Variants in PTPRR observed in about 807,000 individuals in gnomAD.
PTPRR encodes the protein receptor-type tyrosine-protein phosphatase R.
PTPRR carries 38 observed loss-of-function variants against 77.2 expected under a neutral mutation model. The ratio of observed to expected loss-of-function variants is 0.49; its 90% CI spans 0.38 to 0.65. The LOEUF (loss-of-function observed/expected upper bound fraction) is 0.65, where lower values mean the gene tolerates loss of function less well. PTPRR is among the 30% of genes least tolerant of loss of function. The pLI, the probability that PTPRR is intolerant of heterozygous loss-of-function variation, is 0.00. For missense variants in PTPRR, 744 were observed against 799.2 expected (o/e 0.93, Z 0.83); for synonymous variants, 299 against 283.1 (o/e 1.06, Z -0.57).
chr12:70,858,878 A>G (rs528083635), intron 2 of PTPRR, among the ~76,000 whole-genome samples: 3 of 151,602 alleles, frequency 2.0e-5, no homozygotes, highest in East Asian at 3.9e-4. Flanking sequence ...AACTGCCTAT[A>G]CTTCTAGATA....
intron 2 of PTPRR, among the ~76,000 whole-genome samples, chr12:70,803,580 C>T (rs1891655214): frequency 6.6e-6 from 1 of 152,140 alleles, no homozygotes; most frequent in Non-Finnish European, 1.5e-5. Flanking sequence ...GCTTCCCATA[C>T]AGTTCCCATA....
At chr12:70,745,547 A>C (rs1890186192) in intron 6 of PTPRR, among the ~76,000 whole-genome samples, 1 of 152,198 alleles carries the variant, frequency 6.6e-6, no homozygotes, top group Admixed American at 6.5e-5. Context: ...TCAATAAGCT[A>C]GAAATTGTCT....
intron 2 of PTPRR, among the ~76,000 whole-genome samples, chr12:70,889,477 T>C (rs1419720744): frequency 4.6e-5 from 7 of 152,176 alleles, no homozygotes; most frequent in African/African-American, 1.7e-4. Flanking sequence ...TCACACGTTT[T>C]TGGATTTAAT....
intron 2 of PTPRR, among the ~76,000 whole-genome samples, chr12:70,852,383 T>C (rs1191091599): frequency 6.6e-6 from 1 of 151,910 alleles, no homozygotes; most frequent in East Asian, 1.9e-4. Context: ...TAAGAGAAAA[T>C]TGACATTAAA....
At chr12:70,889,756 GC>G (rs1303657148) in intron 2 of PTPRR, among the ~76,000 whole-genome samples, 1 of 151,056 alleles carries the variant, frequency 6.6e-6, no homozygotes, top group African/African-American at 2.4e-5. Context: ...TTCTTTCCTT[GC>G]CTCCTTTCCT....
rs147135651 is a variant in PTPRR at position 70,892,434 on chromosome 12, G to A, written c.357+245C>T. On this transcript the variant is annotated intron_variant, in intron 2 of 13. Coordinates refer to ENST00000283228, the MANE Select transcript of PTPRR (RefSeq NM_002849.4). Reference sequence around the variant, plus strand: ...AATCTTTTATTCAAATATTTATTAAGCATCTACCATGTACCATGCATTCTG... The same window carrying A: ...AATCTTTTATTCAAATATTTATTAAACATCTACCATGTACCATGCATTCTG... Among the ~76,000 whole-genome samples, 9 of 151,752 alleles carry A rather than the reference G, an allele frequency of 5.9e-5. No homozygotes were observed. The East Asian group carries it at 1.7e-3, about 29-fold the overall frequency.
intron 2 of PTPRR, among the ~76,000 whole-genome samples, chr12:70,777,450 A>T (rs1034306833): frequency 2.6e-5 from 4 of 152,160 alleles, no homozygotes; most frequent in Non-Finnish European, 4.4e-5. Flanking sequence ...AAATTTAGGA[A>T]GTATTTATTA....
intron 2 of PTPRR, among the ~76,000 whole-genome samples, chr12:70,779,014 T>A (rs1188523028): frequency 6.6e-6 from 1 of 151,794 alleles, no homozygotes. Context: ...CCCAGCTAAT[T>A]TTTTTGTATT....
At chr12:70,859,289 G>A (rs1264771327) in intron 2 of PTPRR, among the ~76,000 whole-genome samples, 2 of 151,914 alleles carry the variant, frequency 1.3e-5, no homozygotes, top group Non-Finnish European at 2.9e-5. Context: ...ATCAGTACTT[G>A]GGCTGCACCC....
chr12:70,806,746 C>A (rs932161658), intron 2 of PTPRR, among the ~76,000 whole-genome samples: 2 of 152,260 alleles, frequency 1.3e-5, no homozygotes, highest in African/African-American at 4.8e-5. Flanking sequence ...ATTTCCTTTA[C>A]CAAATCTTAC....
chr12:70,823,186 G>A (rs754364182), intron 2 of PTPRR, among the ~76,000 whole-genome samples: 2 of 147,648 alleles, frequency 1.4e-5, no homozygotes, highest in Admixed American at 6.8e-5. Flanking sequence ...GAAATAACAC[G>A]ACTGGTTCTA....
intron 1 of PTPRR, among the ~76,000 whole-genome samples, chr12:70,911,385 G>A (rs1251430288): frequency 6.6e-6 from 1 of 152,120 alleles, no homozygotes; most frequent in Non-Finnish European, 1.5e-5. Context: ...TTCACCCTTT[G>A]TGGGTCCCTA....
intron 6 of PTPRR, among the ~76,000 whole-genome samples, chr12:70,741,020 G>A (rs1454092970): frequency 1.3e-5 from 2 of 152,120 alleles, no homozygotes; most frequent in Admixed American, 6.5e-5. Flanking sequence ...ATCTTGGCAG[G>A]GAATTGTGGT....
At chr12:70,862,095 T>C (rs1892762256) in intron 2 of PTPRR, among the ~76,000 whole-genome samples, 2 of 151,946 alleles carry the variant, frequency 1.3e-5, no homozygotes, top group Admixed American at 1.3e-4. Flanking sequence ...GAAAGTAAGG[T>C]AGTTGTTCAT....
intron 6 of PTPRR, among the ~76,000 whole-genome samples, chr12:70,714,998 T>A (rs1293366104): frequency 4.0e-5 from 6 of 151,492 alleles, no homozygotes; most frequent in African/African-American, 1.5e-4. Context: ...AAAAAGTTTC[T>A]TCTATATATT....
intron 2 of PTPRR, among the ~76,000 whole-genome samples, chr12:70,812,234 T>C (rs1447790482): frequency 6.6e-6 from 1 of 152,136 alleles, no homozygotes; most frequent in Non-Finnish European, 1.5e-5. Flanking sequence ...TAAATGGCAA[T>C]ATAATTGCAC....
In PTPRR at chr12:70,897,772, T is replaced by C. The variant is rs139721489; in HGVS notation, c.59-4795A>G. Among the ~76,000 whole-genome samples the C allele has an allele frequency of 1.6e-3, 247 of 151,986 alleles. 2 individuals are homozygous for C. The highest frequency in any genetic ancestry group is 5.7e-3 in the African/African-American group (237 of 41,496). The stretch of plus-strand genomic sequence containing the variant: ...AAGCAACCCAGATGTCCAACAATGA[T>C]AGACTGGATTAAGAAAATGTGGCAC... On this transcript the variant is annotated intron_variant, in intron 1 of 13. Transcript: ENST00000283228.
At position 70,911,125 on chromosome 12, in the gene PTPRR, T is replaced by A. The variant is rs543182979; in HGVS notation, c.58+9208A>T. The stretch of plus-strand genomic sequence containing the variant: ...CTGCATGTGACCTTTTCCATTATGT[T>A]CTTCCCATACCCATGCCCCTCCTTC... On this transcript the variant is annotated intron_variant, in intron 1 of 13. Coordinates refer to ENST00000283228, the MANE Select transcript of PTPRR (RefSeq NM_002849.4). Among the ~76,000 whole-genome samples, 8 of 152,262 alleles carry A rather than the reference T, an allele frequency of 5.3e-5. 1 individual carries two copies. In the South Asian group the frequency reaches 1.7e-3, roughly 32 times the overall value.
chr12:70,893,384 A>G (rs1369277669), intron 1 of PTPRR, among the ~76,000 whole-genome samples: 4 of 151,804 alleles, frequency 2.6e-5, no homozygotes, highest in African/African-American at 9.7e-5. Context: ...ATTTCCTACA[A>G]TTCTTATTTC....
Sources: gnomAD v4.1 joint callset for allele counts (sites outside exome capture counted in the v4.1 genomes callset) on GRCh38, gnomAD v4.1.1 for gene constraint, MANE v1.5 for transcripts, NCBI Gene and HGNC (gene_info 2026-07-23, HGNC 2026-07-21) for gene names.